The following SLC44A5 variants were observed in gnomAD, a reference collection of about 807,000 sequenced individuals.
SLC44A5 encodes the protein choline transporter-like protein 5.
SLC44A5 carries 57 observed loss-of-function variants against 101.8 expected under a neutral mutation model. The observed-to-expected ratio is 0.56, with a 90% CI of 0.45 to 0.70. The LOEUF (loss-of-function observed/expected upper bound fraction) is 0.70, where lower values mean the gene tolerates loss of function less well. Among genes scored for constraint, SLC44A5 ranks in the 30% least tolerant of loss-of-function variants. The pLI is 0.00. For synonymous variants in SLC44A5, 281 were observed against 290.9 expected, an observed-to-expected ratio of 0.97 and a Z score of 0.35; for missense variants, 737 against 853.1, an observed-to-expected ratio of 0.86 and a Z score of 1.70.
chr1:75,563,547 T>C (rs1197086031), intron 1 of SLC44A5, among the ~76,000 whole-genome samples: 1 of 152,012 alleles, frequency 6.6e-6, no homozygotes, highest in African/African-American at 2.4e-5. Context: ...TTTTAAATAA[T>C]AGTAAAAAAA....
chr1:75,713,576 G>A, the SLC44A5 span, among the ~76,000 whole-genome samples: 7 of 152,220 alleles, frequency 4.6e-5, no homozygotes, highest in South Asian at 6.2e-4. Flanking sequence ...GAGATGCGGT[G>A]GAGGCCAAAG....
At chr1:75,555,144 G>A (rs116564858) in intron 1 of SLC44A5, among the ~76,000 whole-genome samples, 85 of 152,200 alleles carry the variant, frequency 5.6e-4, no homozygotes, top group African/African-American at 1.9e-3. Flanking sequence ...CACAGATATT[G>A]TGCCACATGA....
intron 2 of SLC44A5, among the ~76,000 whole-genome samples, chr1:75,521,098 C>T (rs1456600990): frequency 1.3e-5 from 2 of 152,198 alleles, no homozygotes; most frequent in East Asian, 3.9e-4. Context: ...GCAATAAACT[C>T]TGTTCAACCT....
At chr1:75,250,030 C>A (rs1338339063) in intron 7 of SLC44A5, among the ~76,000 whole-genome samples, 1 of 152,096 alleles carries the variant, frequency 6.6e-6, no homozygotes, top group African/African-American at 2.4e-5. Context: ...TTCAGAGGTA[C>A]ATGTGCAGGT....
chr1:75,675,025 G>A, the SLC44A5 span, among the ~76,000 whole-genome samples: 2 of 152,162 alleles, frequency 1.3e-5, no homozygotes, highest in African/African-American at 4.8e-5. Context: ...CCTTGTGGTA[G>A]TTTGAAGTCA....
At chr1:75,586,138 G>A (rs932746080) in intron 1 of SLC44A5, among the ~76,000 whole-genome samples, 3 of 152,106 alleles carry the variant, frequency 2.0e-5, no homozygotes, top group South Asian at 2.1e-4. Flanking sequence ...CCTAATATGG[G>A]TGGGCATCAT....
intron 1 of SLC44A5, among the ~76,000 whole-genome samples, chr1:75,557,099 T>G (rs2026445): frequency 0.38 from 57,766 of 151,956 alleles, 11,565 homozygotes; most frequent in Non-Finnish European, 0.46. Context: ...TGATTGTAGA[T>G]AGAAGCCAGA....
chr1:75,509,964 A>G (rs1424657899), intron 2 of SLC44A5, among the ~76,000 whole-genome samples: 2 of 152,170 alleles, frequency 1.3e-5, no homozygotes, highest in East Asian at 1.9e-4. Context: ...AGGTCTCACA[A>G]TCATGATGGA....
the SLC44A5 span, among the ~76,000 whole-genome samples, chr1:75,653,944 CT>C: frequency 6.6e-5 from 10 of 152,276 alleles, no homozygotes; most frequent in South Asian, 2.1e-3. Context: ...GTAACAAAGC[CT>C]TGCCTTATTT....
chr1:75,477,514 G>C (rs190079498), intron 2 of SLC44A5, among the ~76,000 whole-genome samples: 1 of 152,168 alleles, frequency 6.6e-6, no homozygotes, highest in East Asian at 1.9e-4. Context: ...AAAAAATTTA[G>C]ATGAATGCAT....
intron 2 of SLC44A5, among the ~76,000 whole-genome samples, chr1:75,468,511 T>C (rs765892116): frequency 2.0e-5 from 3 of 152,204 alleles, no homozygotes; most frequent in Non-Finnish European, 2.9e-5. Context: ...GAGCCTGTCA[T>C]ATGCAACAAC....
At chr1:75,540,361 T>A (rs1671292385) in intron 2 of SLC44A5, among the ~76,000 whole-genome samples, 1 of 152,196 alleles carries the variant, frequency 6.6e-6, no homozygotes, top group South Asian at 2.1e-4. Flanking sequence ...GTCCTCTAAG[T>A]CTGTCGTTCT....
In SLC44A5 at chr1:75,518,961, C is replaced by A. The variant is rs79226444; in HGVS notation, c.13+22474G>T. Among the ~76,000 whole-genome samples, 1,446 of 152,214 alleles carry A rather than the reference C, an allele frequency of 9.5e-3. 102 individuals carry two copies. In the East Asian group the frequency reaches 0.17, roughly 18 times the overall value. On this transcript the variant is annotated intron_variant, in intron 2 of 23. Coordinates refer to ENST00000370859, the MANE Select transcript of SLC44A5 (RefSeq NM_001130058.2). Reference sequence around the variant, plus strand: ...ACAACTCTGTATATACATTCAAAAGCACTGAACTGCATACTTTAAATGGGA... The same window carrying A: ...ACAACTCTGTATATACATTCAAAAGAACTGAACTGCATACTTTAAATGGGA...
At chr1:75,482,835 C>A (rs1667949493) in intron 2 of SLC44A5, among the ~76,000 whole-genome samples, 1 of 152,066 alleles carries the variant, frequency 6.6e-6, no homozygotes, top group Non-Finnish European at 1.5e-5. Context: ...AGATATATAT[C>A]ATTTTCTTCC....
intron 6 of SLC44A5, among the ~76,000 whole-genome samples, chr1:75,268,136 C>T (rs629615): frequency 0.8 from 121,519 of 152,014 alleles, 48,774 homozygotes; most frequent in East Asian, 0.95. Flanking sequence ...CCCTCTTTAT[C>T]GGCTACGTTT....
chr1:75,515,036 A>T (rs1226867369), intron 2 of SLC44A5, among the ~76,000 whole-genome samples: 3 of 152,210 alleles, frequency 2.0e-5, no homozygotes, highest in African/African-American at 7.2e-5. Flanking sequence ...TTGCAGCATA[A>T]CTTGAAAACC....
intron 6 of SLC44A5, among the ~76,000 whole-genome samples, chr1:75,263,939 A>G (rs1194776449): frequency 6.6e-6 from 1 of 152,068 alleles, no homozygotes; most frequent in Admixed American, 6.6e-5. Context: ...ATGAGCACAC[A>G]TGGACACAGG....
chr1:75,299,754 T>C (rs939153694), intron 5 of SLC44A5, among the ~76,000 whole-genome samples: 7 of 151,766 alleles, frequency 4.6e-5, no homozygotes, highest in Non-Finnish European at 8.8e-5. Context: ...CTCATGCCTG[T>C]AATCCCAGCA....
chr1:75,682,941 C>T, the SLC44A5 span, among the ~76,000 whole-genome samples: 100 of 152,126 alleles, frequency 6.6e-4, no homozygotes, highest in Middle Eastern at 3.4e-3. Flanking sequence ...AAAAAGTGGG[C>T]GAAGGACATG....
Sources: allele counts gnomAD v4.1 joint callset (sites outside exome capture counted in the v4.1 genomes callset), GRCh38; gene constraint gnomAD v4.1.1; transcripts MANE v1.5; gene names NCBI Gene and HGNC (gene_info 2026-07-23, HGNC 2026-07-21).